The following PCDHGB7 variants were observed in gnomAD, a reference collection of about 807,000 sequenced individuals.
PCDHGB7 encodes protocadherin gamma subfamily B, 7.
PCDHGB7 carries 37 observed loss-of-function variants against 61.4 expected under a neutral mutation model. The ratio of observed to expected loss-of-function variants is 0.60; its 90% CI spans 0.46 to 0.79. The LOEUF is 0.79. Ranked by LOEUF, PCDHGB7 falls within the 30% of genes least tolerant of loss-of-function variation. The pLI, the probability that PCDHGB7 is intolerant of heterozygous loss-of-function variation, is 0.00. For synonymous variants in PCDHGB7, 464 were observed against 503.5 expected (o/e 0.92, Z 1.05); for missense variants, 1,166 against 1,202.5 (o/e 0.97, Z 0.45).
chr5:141,489,246 G>A lies in PCDHGB7; in HGVS notation c.2416-5561G>A, dbSNP rs141115698. On this transcript the variant is annotated intron_variant, in intron 1 of 3. Coordinates refer to ENST00000398594, the MANE Select transcript of PCDHGB7 (RefSeq NM_018927.4). The surrounding 1 kb of genome is among the most constrained non-coding windows in gnomAD (Gnocchi z 4.5). Reference sequence around the variant, plus strand: ...CACAAAGGGACTTCTGGGTCATGGGGCCCAAGACACTCCCACAGCTCGCTG... The same window carrying A: ...CACAAAGGGACTTCTGGGTCATGGGACCCAAGACACTCCCACAGCTCGCTG... 750 of 1,544,746 alleles carry A rather than the reference G, an allele frequency of 4.9e-4. No homozygotes were observed. The highest frequency in any genetic ancestry group is 6.3e-4 in the Non-Finnish European group (726 of 1,145,538).
intron 1 of PCDHGB7, among the ~76,000 whole-genome samples, chr5:141,483,832 G>A (rs994540286): frequency 2.0e-5 from 3 of 152,134 alleles, no homozygotes; most frequent in African/African-American, 7.2e-5. Context: ...ACCTAGGTAA[G>A]GACTTGGTTG....
chr5:141,462,183 C>A (rs1439465872), intron 1 of PCDHGB7, among the ~76,000 whole-genome samples: 1 of 152,158 alleles, frequency 6.6e-6, no homozygotes. Flanking sequence ...TGGTCTTGAA[C>A]TCCTGACCTC....
Position 141,419,521 on chromosome 5 carries a change from C to A in PCDHGB7, c.1662C>A (p.Asp554Glu), listed in dbSNP as rs1418329404. Residue 554 changes from aspartate (D) to glutamate (E), a missense_variant, in exon 1 of 4, where the codon GAC (aspartate) becomes GAA (glutamate). By Grantham distance (45) the Asp-to-Glu change is conservative. Coordinates refer to ENST00000398594, the MANE Select transcript of PCDHGB7 (RefSeq NM_018927.4). ...TGAGCCTGCGCGTGTTGGTGGGCGA[C>A]CGTAACGACAACGCACCGCGGGTGC... ...ANVSLRVLVG[D>E]RNDNAPRVLY... is the part of the protein sequence containing the mutation. 6.2e-7 allele frequency: 1 copy of A among 1,612,240 alleles called. No homozygotes were observed. The highest frequency in any genetic ancestry group is 8.5e-7 in the Non-Finnish European group (1 of 1,179,516).
chr5:141,443,216 C>T (rs758242896), intron 1 of PCDHGB7, among the ~76,000 whole-genome samples: 3 of 151,908 alleles, frequency 2.0e-5, no homozygotes, highest in South Asian at 2.1e-4. Context: ...TCTCGCCAGG[C>T]GCATCTATAA....
chr5:141,419,552 C>T lies in PCDHGB7; in HGVS notation c.1693C>T (p.Pro565Ser). The T allele has an allele frequency of 6.2e-7, 1 of 1,612,014 alleles. No homozygotes were observed. The highest frequency in any genetic ancestry group is 8.5e-7 in the Non-Finnish European group (1 of 1,179,480). Residue 565 changes from proline to serine, a missense_variant, in exon 1 of 4, where the codon CCT becomes TCT. Coordinates refer to ENST00000398594, the MANE Select transcript of PCDHGB7 (RefSeq NM_018927.4). ...RNDNAPRVLY[P>S]ALGPDGSALF... ...CGACAACGCACCGCGGGTGCTGTAC[C>T]CTGCGCTGGGTCCCGACGGCTCCGC...
intron 2 of PCDHGB7, among the ~76,000 whole-genome samples, chr5:141,502,186 CA>C (rs1470455379): frequency 1.3e-5 from 2 of 152,148 alleles, no homozygotes; most frequent in Non-Finnish European, 2.9e-5. Context: ...AACATTAATA[CA>C]ATAATATAGA....
Position 141,491,797 on chromosome 5 carries a change from G to C in PCDHGB7, c.2416-3010G>C, listed in dbSNP as rs537755017. The C allele has an allele frequency of 7.9e-5, 119 of 1,506,700 alleles. No homozygotes were observed. In the Admixed American group the frequency reaches 1.4e-3, roughly 18 times the overall value. 93.3% of individuals were successfully genotyped at this position (1,506,700 alleles called of 1,614,324 possible). On this transcript the variant is annotated intron_variant, in intron 1 of 3. Coordinates refer to ENST00000398594, the MANE Select transcript of PCDHGB7 (RefSeq NM_018927.4). The surrounding 1 kb of genome is among the most constrained non-coding windows in gnomAD (Gnocchi z 6.9). The stretch of plus-strand genomic sequence containing the variant: ...ATTGAACTTGCATCCACTCCTCTCC[G>C]GCCGGCTTGGTCGCTGGCTGCGCTC...
chr5:141,450,092 C>T (rs761677942), intron 1 of PCDHGB7, among the ~76,000 whole-genome samples: 2 of 148,672 alleles, frequency 1.3e-5, no homozygotes, highest in Non-Finnish European at 3.0e-5. Flanking sequence ...CTGCAACCTC[C>T]GCCTCCCAGG....
chr5:141,444,965 A>C (rs561160996), intron 1 of PCDHGB7, among the ~76,000 whole-genome samples: 18 of 152,234 alleles, frequency 1.2e-4, no homozygotes, highest in South Asian at 6.2e-4. Context: ...CAATATTGAC[A>C]CTTCAAATCC....
intron 1 of PCDHGB7, chr5:141,478,885 A>G (rs2099483148): frequency 8.4e-7 from 1 of 1,193,320 alleles, no homozygotes; most frequent in East Asian, 2.6e-5. Flanking sequence ...GCTTGGTATC[A>G]TTTACATTAG....
In PCDHGB7 at chr5:141,477,556, T is replaced by C. The variant is rs2099412953; in HGVS notation, c.2416-17251T>C. On this transcript the variant is annotated intron_variant, in intron 1 of 3. Transcript: ENST00000398594. The surrounding 1 kb of genome is among the most constrained non-coding windows in gnomAD (Gnocchi z 4.9). The stretch of plus-strand genomic sequence containing the variant: ...CCGGGGCTCCAATACTAAACCTAAG[T>C]GTCTGGGACCCCGACGCCCCGCAGA... 6.2e-7 allele frequency: 1 copy of C among 1,614,164 alleles called. No homozygotes were observed. The highest frequency in any genetic ancestry group is 1.1e-5 in the South Asian group (1 of 91,086).
At chr5:141,421,797 C>T in intron 1 of PCDHGB7, 1 of 1,613,744 alleles carries the variant, frequency 6.2e-7, no homozygotes, top group Non-Finnish European at 8.5e-7. Context: ...CGGATGGGGC[C>T]AAGAATCCAG....
chr5:141,470,035 G>A lies in PCDHGB7; in HGVS notation c.2416-24772G>A, dbSNP rs761812438. ...TCCCAGCTACTCGGGATGCTGAGGC[G>A]CGAGAACTGTTTGAACCCCGGAGGC... On this transcript the variant is annotated intron_variant, in intron 1 of 3. Transcript: ENST00000398594. Among the ~76,000 whole-genome samples, 97 of 152,224 alleles carry A rather than the reference G, an allele frequency of 6.4e-4. 2 individuals carry two copies. Among genetic ancestry groups the A allele is most frequent in the East Asian group, 1.2e-3 (6 of 5,170 alleles).
At position 141,417,773 on chromosome 5, in the gene PCDHGB7, T is replaced by C; in HGVS notation, c.-87T>C. 1 of 1,458,374 alleles carries C rather than the reference T, an allele frequency of 6.9e-7. No individual in the cohort carries two copies. The highest frequency in any genetic ancestry group is 1.4e-5 in the South Asian group (1 of 69,680). The allele number at this position is 1,458,374 out of a possible 1,614,324, so 90.3% of individuals were successfully genotyped here. A position where few individuals can be genotyped will look rare whatever the true frequency, so the allele number is the denominator to read the frequency against. On this transcript the variant is annotated 5_prime_UTR_variant, in exon 1 of 4. Transcript: ENST00000398594. ...CAGCTCCGAGACCCGGGACTCCTCC[T>C]GTCCTGGGCCGAATGCTCTTTTAGC...
chr5:141,428,523 T>G, intron 1 of PCDHGB7: 1 of 278,554 alleles, frequency 3.6e-6, no homozygotes, highest in Non-Finnish European at 7.1e-6. Context: ...AAAGAAGATT[T>G]AATTTTCTCA....
In PCDHGB7 at chr5:141,490,801, A is replaced by G; in HGVS notation, c.2416-4006A>G. On this transcript the variant is annotated intron_variant, in intron 1 of 3. Transcript: ENST00000398594. The surrounding 1 kb of genome is among the most constrained non-coding windows in gnomAD (Gnocchi z 5.4). ...GGATGGACGGATCTTTGCCCAGCGT[A>G]CCTTTGACTATGAATTGCTGCAGAT... The G allele has an allele frequency of 6.2e-7, 1 of 1,613,854 alleles. No homozygotes were observed. Among genetic ancestry groups the G allele is most frequent in the African/African-American group, 1.3e-5 (1 of 75,042 alleles).
intron 1 of PCDHGB7, among the ~76,000 whole-genome samples, chr5:141,437,929 G>A (rs1479763331): frequency 6.6e-6 from 1 of 151,960 alleles, no homozygotes; most frequent in East Asian, 1.9e-4. Context: ...GTAGAGATGG[G>A]GTTTCACCAT....
intron 2 of PCDHGB7, among the ~76,000 whole-genome samples, chr5:141,501,110 G>A (rs1373404247): frequency 2.6e-5 from 4 of 151,908 alleles, no homozygotes; most frequent in Admixed American, 6.6e-5. Flanking sequence ...CTCGTGATCC[G>A]CCTGCCTCAG....
intron 1 of PCDHGB7, among the ~76,000 whole-genome samples, chr5:141,429,890 C>A (rs2097251428): frequency 6.6e-6 from 1 of 152,112 alleles, no homozygotes; most frequent in African/African-American, 2.4e-5. Context: ...GTTTCCTGAA[C>A]AATAAATATT....
Sources: gnomAD v4.1 joint callset for allele counts (sites outside exome capture counted in the v4.1 genomes callset) on GRCh38, gnomAD v4.1.1 for gene constraint, Gnocchi (gnomAD v3.1) non-coding constraint, MANE v1.5 for transcripts, NCBI Gene and HGNC (gene_info 2026-07-23, HGNC 2026-07-21) for gene names.